TNFSF13B: variants seen among roughly 807,000 people sequenced by gnomAD.
TNFSF13B encodes tumor necrosis factor ligand superfamily member 13B.
Under a neutral mutation model 29.1 loss-of-function variants are expected in TNFSF13B, and 8 were observed. The observed-to-expected ratio is 0.27, with a 90% CI of 0.16 to 0.50. The LOEUF is 0.50. TNFSF13B is among the 20% of genes least tolerant of loss of function. The pLI is 0.98. For missense variants in TNFSF13B, 248 were observed against 334.9 expected (o/e 0.74, Z 2.03); for synonymous variants, 125 against 130.8 (o/e 0.96, Z 0.30).
At chr13:108,284,331 AAAAT>A (rs200100764) in intron 2 of TNFSF13B, among the ~76,000 whole-genome samples, 5,548 of 140,424 alleles carry the variant, frequency 0.04, 131 homozygotes, top group Non-Finnish European at 0.051. Context: ...TCCGTCTCAA[AAAAT>A]AAATAAATAA....
intron 3 of TNFSF13B, among the ~76,000 whole-genome samples, chr13:108,300,584 T>G (rs1437802052): frequency 6.6e-6 from 1 of 152,218 alleles, no homozygotes. Context: ...TAAACAAAAT[T>G]AAAAACTATT....
At chr13:108,296,930 T>G (rs1378234054) in intron 3 of TNFSF13B, among the ~76,000 whole-genome samples, 1 of 145,594 alleles carries the variant, frequency 6.9e-6, no homozygotes, top group Non-Finnish European at 1.5e-5. Flanking sequence ...AATTAATAAT[T>G]ATTATTTTAT....
intron 5 of TNFSF13B, among the ~76,000 whole-genome samples, chr13:108,304,523 A>T (rs947441506): frequency 7.2e-5 from 11 of 152,096 alleles, no homozygotes; most frequent in African/African-American, 2.4e-4. Flanking sequence ...CATTTCCTTC[A>T]TTTTATTTTT....
chr13:108,284,382 A>G (rs991975733), intron 2 of TNFSF13B, among the ~76,000 whole-genome samples: 1 of 151,746 alleles, frequency 6.6e-6, no homozygotes, highest in African/African-American at 2.4e-5. Flanking sequence ...AAACAAACAA[A>G]CAAACAATAA....
rs765645487 is a variant in TNFSF13B, at chr13:108,269,985, C to G, written c.90C>G (p.Ile30Met). Residue 30 changes from isoleucine to methionine, a missense_variant, in exon 1 of 6, where the codon ATC (isoleucine) becomes ATG (methionine). Coordinates refer to ENST00000375887, the MANE Select transcript of TNFSF13B (RefSeq NM_006573.5). ...EEMKLKECVSILPRKESPSVR... is the reference protein window; with the variant it reads ...EEMKLKECVSMLPRKESPSVR... ...TGAAACTGAAGGAGTGTGTTTCCAT[C>G]CTCCCACGGAAGGAAAGCCCCTCTG... 1.9e-6 allele frequency: 3 copies of G among 1,613,516 alleles called. No homozygotes were observed. The highest frequency in any genetic ancestry group is 2.5e-6 in the Non-Finnish European group (3 of 1,180,028).
At chr13:108,290,559 T>G (rs1293264910) in intron 3 of TNFSF13B, among the ~76,000 whole-genome samples, 5 of 152,174 alleles carry the variant, frequency 3.3e-5, no homozygotes, top group African/African-American at 9.6e-5. Flanking sequence ...TGTCTTTACA[T>G]TCTTCCAATT....
Position 108,269,779 on chromosome 13 carries a change from G to A in TNFSF13B, c.-117G>A. The A allele has an allele frequency of 1.0e-6, 1 of 979,842 alleles. No individual in the cohort carries two copies. Among genetic ancestry groups the A allele is most frequent in the African/African-American group, 1.6e-5 (1 of 61,490 alleles). 60.7% of individuals were successfully genotyped at this position (979,842 alleles called of 1,614,324 possible). On this transcript the variant is annotated 5_prime_UTR_variant, in exon 1 of 6. Transcript: ENST00000375887. Reference sequence around the variant, plus strand: ...TCAGGATAACTCTCCTGAGGGGTGAGCCAAGCCCTGCCATGTAGTGCACGC... The same window carrying A: ...TCAGGATAACTCTCCTGAGGGGTGAACCAAGCCCTGCCATGTAGTGCACGC...
At chr13:108,288,914 T>A (rs2139056586) in intron 3 of TNFSF13B, among the ~76,000 whole-genome samples, 1 of 152,286 alleles carries the variant, frequency 6.6e-6, no homozygotes, top group Non-Finnish European at 1.5e-5. Context: ...GCACTGGTAA[T>A]GATTCCCTGG....
intron 2 of TNFSF13B, among the ~76,000 whole-genome samples, chr13:108,275,949 C>T (rs897094231): frequency 6.6e-6 from 1 of 152,058 alleles, no homozygotes; most frequent in African/African-American, 2.4e-5. Flanking sequence ...AAATATTATA[C>T]CTTAAGTTTT....
In TNFSF13B at chr13:108,303,569, C is replaced by T; in HGVS notation, c.710C>T (p.Pro237Leu). 1 of 1,613,576 alleles carries T rather than the reference C, an allele frequency of 6.2e-7. No homozygotes were observed. Among genetic ancestry groups the T allele is most frequent in the Non-Finnish European group, 8.5e-7 (1 of 1,179,722 alleles). The stretch of plus-strand genomic sequence containing the variant: ...TTGTTTCGATGTATTCAAAATATGC[C>T]TGAAACACTACCCAATAATTCCTGC... ...VTLFRCIQNM[P>L]ETLPNNSCYS... The change falls in exon 5 of 6, where the codon CCT (proline) becomes CTT (leucine). Residue 237 changes from proline (P) to leucine (L), a missense_variant. Physicochemically the swap from Pro to Leu is moderately conservative, Grantham distance 98. This residue lies in a region of TNFSF13B where 62 missense variants were observed against 138.6 expected (regional missense o/e 0.45). Coordinates refer to ENST00000375887, the MANE Select transcript of TNFSF13B (RefSeq NM_006573.5).
chr13:108,283,576 A>G (rs1881024956), intron 2 of TNFSF13B, among the ~76,000 whole-genome samples: 1 of 152,214 alleles, frequency 6.6e-6, no homozygotes, highest in South Asian at 2.1e-4. Context: ...CATGGTGTCA[A>G]GTCATTACTT....
chr13:108,284,331 A>AAAATAAAT (rs200100764), intron 2 of TNFSF13B, among the ~76,000 whole-genome samples: 6 of 140,370 alleles, frequency 4.3e-5, no homozygotes, highest in Non-Finnish European at 7.8e-5. Context: ...TCCGTCTCAA[A>AAAATAAAT]AAATAAATAA....
chr13:108,300,304 A>G (rs926404694), intron 3 of TNFSF13B, among the ~76,000 whole-genome samples: 4 of 152,222 alleles, frequency 2.6e-5, no homozygotes, highest in East Asian at 1.9e-4. Context: ...CTGCATGTCT[A>G]CTGTGGGTCA....
Position 108,297,065 on chromosome 13 carries a change from C to A in TNFSF13B, c.482-6188C>A, listed in dbSNP as rs1365727487. Among the ~76,000 whole-genome samples, 2 of 145,336 alleles carry A rather than the reference C, an allele frequency of 1.4e-5. 1 individual carries two copies. Among genetic ancestry groups the A allele is most frequent in the Admixed American group, 1.4e-4 (2 of 14,740 alleles). ...TTGTATTCTTTATTTCTTCATATGT[C>A]TTTCAATTCTCACTTAGTGCTTTTT... On this transcript the variant is annotated intron_variant, in intron 3 of 5. Coordinates refer to ENST00000375887, the MANE Select transcript of TNFSF13B (RefSeq NM_006573.5).
chr13:108,301,582 TA>T (rs974478884), intron 3 of TNFSF13B, among the ~76,000 whole-genome samples: 2 of 152,056 alleles, frequency 1.3e-5, no homozygotes, highest in Admixed American at 6.6e-5. Flanking sequence ...ATGTGGAATC[TA>T]AAAAAAGTCA....
chr13:108,280,000 G>A (rs139049491), intron 2 of TNFSF13B, among the ~76,000 whole-genome samples: 350 of 151,342 alleles, frequency 2.3e-3, no homozygotes, highest in African/African-American at 8.1e-3. Flanking sequence ...AATTCTGTCC[G>A]TGTGATGTTG....
chr13:108,305,014 C>T (rs758073013), intron 5 of TNFSF13B, among the ~76,000 whole-genome samples: 15 of 152,140 alleles, frequency 9.9e-5, no homozygotes, highest in South Asian at 2.1e-4. Flanking sequence ...CTCTTTAAAA[C>T]GTTTTTCTAA....
At chr13:108,280,860 A>G (rs764453825) in intron 2 of TNFSF13B, among the ~76,000 whole-genome samples, 7 of 152,200 alleles carry the variant, frequency 4.6e-5, no homozygotes, top group Non-Finnish European at 7.3e-5. Flanking sequence ...GATTCTGTCT[A>G]TACAAACACA....
At position 108,307,278 on chromosome 13, in the gene TNFSF13B, G is replaced by A. The variant is rs1426772599; in HGVS notation, c.*340G>A. On this transcript the variant is annotated 3_prime_UTR_variant, in exon 6 of 6. Coordinates refer to ENST00000375887, the MANE Select transcript of TNFSF13B (RefSeq NM_006573.5). ...AGGACACAATTCAAAGGGGCAGTAA[G>A]GATTTTGTAAAACGTGGCATCCATA... 1.1e-5 allele frequency: 2 copies of A among 184,306 alleles called. No homozygotes were observed. The highest frequency in any genetic ancestry group is 2.2e-5 in the Non-Finnish European group (2 of 89,844). 11.4% of individuals were successfully genotyped at this position (184,306 alleles called of 1,614,324 possible).
Sources: allele counts gnomAD v4.1 joint callset (sites outside exome capture counted in the v4.1 genomes callset), GRCh38; gene constraint gnomAD v4.1.1; regional missense constraint gnomAD v4.1.1; transcripts MANE v1.5; gene names NCBI Gene and HGNC (gene_info 2026-07-23, HGNC 2026-07-21).